The following TICAM1 variants were observed in gnomAD, a reference collection of about 807,000 sequenced individuals.
TICAM1 encodes the protein TIR domain-containing adapter molecule 1.
For synonymous variants in TICAM1, 439 were observed against 415.4 expected, an observed-to-expected ratio of 1.06 and a Z score of -0.69; for missense variants, 895 against 938.2, an observed-to-expected ratio of 0.95 and a Z score of 0.60.
At chr19:4,829,805 CTTTT>C (rs539314470) in intron 1 of TICAM1, among the ~76,000 whole-genome samples, 95 of 87,628 alleles carry the variant, frequency 1.1e-3, no homozygotes, top group African/African-American at 3.7e-3. Context: ...AATTTCATTT[CTTTT>C]TTTTTTTTTT....
At position 4,817,829 on chromosome 19, in the gene TICAM1, G is replaced by T; in HGVS notation, c.549C>A (p.Asp183Glu). The change falls in exon 2 of 2, where the codon GAC (aspartate) becomes GAA (glutamate). Residue 183 changes from aspartate to glutamate, a missense_variant. Coordinates refer to ENST00000248244, the MANE Select transcript of TICAM1 (RefSeq NM_182919.4). This position sits in a 1 kb window ranked among gnomAD's most constrained non-coding sequence, Gnocchi z 4.7. Reference sequence around the variant, plus strand: ...ACCCTTGGCTCCAGTCCGAAACACCGTCAATGGGGCGTGGGAGGCTCCTGG... The same window carrying T: ...ACCCTTGGCTCCAGTCCGAAACACCTTCAATGGGGCGTGGGAGGCTCCTGG... Reference protein sequence around the residue: ...SGTRSLPRPIDGVSDWSQGCS... With the variant: ...SGTRSLPRPIEGVSDWSQGCS... 6.2e-7 allele frequency: 1 copy of T among 1,607,606 alleles called. No individual in the cohort carries two copies.
chr19:4,817,140 C>A lies in TICAM1; in HGVS notation c.1238G>T (p.Arg413Leu), dbSNP rs372838204. Residue 413 changes from arginine to leucine, a missense_variant, in exon 2 of 2, where the codon CGG becomes CTG. Arg to Leu is a moderately radical substitution (Grantham distance 102). Coordinates refer to ENST00000248244, the MANE Select transcript of TICAM1 (RefSeq NM_182919.4). This position sits in a 1 kb window ranked among gnomAD's most constrained non-coding sequence, Gnocchi z 4.7. Reference sequence around the variant, plus strand: ...CACGCCAAGGGCCTCCAGCTTCTCCCGAACCCGCAGGGCGATGTGTTCGTC... The same window carrying A: ...CACGCCAAGGGCCTCCAGCTTCTCCAGAACCCGCAGGGCGATGTGTTCGTC... ...RADEHIALRV[R>L]EKLEALGVPD... is the part of the protein sequence containing the mutation. The A allele has an allele frequency of 6.2e-7, 1 of 1,613,956 alleles. No individual in the cohort carries two copies. The highest frequency in any genetic ancestry group is 1.3e-5 in the African/African-American group (1 of 74,892).
At chr19:4,823,134 A>G (rs548476153) in intron 1 of TICAM1, among the ~76,000 whole-genome samples, 1 of 152,180 alleles carries the variant, frequency 6.6e-6, no homozygotes, top group South Asian at 2.1e-4. Context: ...AGCCTGGCCA[A>G]CATGGTGAAA....
intron 1 of TICAM1, among the ~76,000 whole-genome samples, chr19:4,819,824 A>C (rs768109677): frequency 4.6e-5 from 7 of 151,836 alleles, no homozygotes; most frequent in Admixed American, 6.6e-5. Flanking sequence ...GCAGTGAGCA[A>C]AGATCGCACC....
intron 1 of TICAM1, among the ~76,000 whole-genome samples, chr19:4,822,202 T>A (rs1310984966): frequency 6.6e-6 from 1 of 152,182 alleles, no homozygotes; most frequent in South Asian, 2.1e-4. Context: ...CCCAAAGTGC[T>A]GGGATTACAA....
intron 1 of TICAM1, among the ~76,000 whole-genome samples, chr19:4,821,769 C>T (rs567772682): frequency 1.3e-5 from 2 of 151,902 alleles, no homozygotes; most frequent in South Asian, 4.2e-4. Context: ...CTCATCCTCC[C>T]AAGTAGCTGG....
chr19:4,828,743 G>T (rs1442828896), intron 1 of TICAM1, among the ~76,000 whole-genome samples: 1 of 128,604 alleles, frequency 7.8e-6, no homozygotes, highest in South Asian at 2.5e-4. Context: ...TCCCTCTGTC[G>T]CCAGGCTGGA....
rs1218883426 is a variant in TICAM1, at chr19:4,817,537, C to G, written c.841G>C (p.Asp281His). The change falls in exon 2 of 2, where the codon GAT becomes CAT. Residue 281 changes from aspartate (D) to histidine (H), a missense_variant. Asp to His is a moderately conservative substitution (Grantham distance 81). Coordinates refer to ENST00000248244, the MANE Select transcript of TICAM1 (RefSeq NM_182919.4). The surrounding 1 kb of genome is among the most constrained non-coding windows in gnomAD (Gnocchi z 4.7). ...TCAGGGAGGCCAGTGGAGGTTGCATCTGGGGCCACTTCGGGAAGCCCAGGA... is the reference window on the plus strand; with the variant it reads ...TCAGGGAGGCCAGTGGAGGTTGCATGTGGGGCCACTTCGGGAAGCCCAGGA... ...PPPGLPEVAPDATSTGLPDTP... is the reference protein window; with the variant it reads ...PPPGLPEVAPHATSTGLPDTP... The G allele has an allele frequency of 4.3e-6, 7 of 1,613,414 alleles. No homozygotes were observed. The highest frequency in any genetic ancestry group is 4.0e-5 in the African/African-American group (3 of 74,912).
chr19:4,823,433 C>T (rs1431980856), intron 1 of TICAM1, among the ~76,000 whole-genome samples: 2 of 149,250 alleles, frequency 1.3e-5, no homozygotes, highest in African/African-American at 5.0e-5. Context: ...CCACTGCACT[C>T]CAGCCTGGGT....
chr19:4,816,637 G>C lies in TICAM1; in HGVS notation c.1741C>G (p.Gln581Glu). The change falls in exon 2 of 2, where the codon CAG (glutamine) becomes GAG (glutamate). Residue 581 changes from glutamine to glutamate, a missense_variant. Physicochemically the swap from Gln to Glu is conservative, Grantham distance 29 (BLOSUM62 2). Coordinates refer to ENST00000248244, the MANE Select transcript of TICAM1 (RefSeq NM_182919.4). This position sits in a 1 kb window ranked among gnomAD's most constrained non-coding sequence, Gnocchi z 4.3. ...SAYLQSYLSY[Q>E]AQMEQLQVAF... is the part of the protein sequence containing the mutation. ...ACCTGGAGCTGCTCCATCTGTGCCTGGTAGGACAAGTAGCTCTGGAGGTAG... is the reference window on the plus strand; with the variant it reads ...ACCTGGAGCTGCTCCATCTGTGCCTCGTAGGACAAGTAGCTCTGGAGGTAG... 6.2e-7 allele frequency: 1 copy of C among 1,614,158 alleles called. No homozygotes were observed.
At chr19:4,825,394 T>G (rs1432471514) in intron 1 of TICAM1, among the ~76,000 whole-genome samples, 1 of 152,086 alleles carries the variant, frequency 6.6e-6, no homozygotes, top group East Asian at 1.9e-4. Flanking sequence ...CAAACCTGGA[T>G]ATGTACCCGT....
intron 1 of TICAM1, among the ~76,000 whole-genome samples, chr19:4,822,840 C>A (rs1335339038): frequency 6.6e-6 from 1 of 152,150 alleles, no homozygotes; most frequent in Non-Finnish European, 1.5e-5. Context: ...AACTGTAACA[C>A]CAAATGCCTT....
Position 4,816,102 on chromosome 19 carries a change from G to A in TICAM1, c.*137C>T. 1.6e-6 allele frequency: 2 copies of A among 1,287,790 alleles called. No individual in the cohort carries two copies. The highest frequency in any genetic ancestry group is 2.0e-6 in the Non-Finnish European group (2 of 1,014,502). 79.8% of individuals were successfully genotyped at this position (1,287,790 alleles called of 1,614,324 possible). On this transcript the variant is annotated 3_prime_UTR_variant, in exon 2 of 2. Coordinates refer to ENST00000248244, the MANE Select transcript of TICAM1 (RefSeq NM_182919.4). This position sits in a 1 kb window ranked among gnomAD's most constrained non-coding sequence, Gnocchi z 4.3. Reference sequence around the variant, plus strand: ...TTTTGTCCTAAATGAAGGGCTCCCGGACAATGTCCTGAAAGTGGCAGATGA... The same window carrying A: ...TTTTGTCCTAAATGAAGGGCTCCCGAACAATGTCCTGAAAGTGGCAGATGA...
Position 4,816,283 on chromosome 19 carries a change from T to C in TICAM1, c.2095A>G (p.Arg699Gly). Residue 699 changes from arginine (R) to glycine (G), a missense_variant, in exon 2 of 2, where the codon AGA (arginine) becomes GGA (glycine). Arg to Gly is a moderately radical substitution (Grantham distance 125, BLOSUM62 -2). Coordinates refer to ENST00000248244, the MANE Select transcript of TICAM1 (RefSeq NM_182919.4). This position sits in a 1 kb window ranked among gnomAD's most constrained non-coding sequence, Gnocchi z 4.3. ...LGLNNHMWNQ[R>G]GSQAPEDKTQ... ...TTGTCCTCGGGCGCCTGGGACCCTCTCTGGTTCCACATGTGGTTGTTCAGC... is the reference window on the plus strand; with the variant it reads ...TTGTCCTCGGGCGCCTGGGACCCTCCCTGGTTCCACATGTGGTTGTTCAGC... 3 of 1,518,064 alleles carry C rather than the reference T, an allele frequency of 2.0e-6. No homozygotes were observed. The highest frequency in any genetic ancestry group is 2.6e-6 in the Non-Finnish European group (3 of 1,134,252). The allele number at this position is 1,518,064 out of a possible 1,614,324, so 94.0% of individuals were successfully genotyped here. A position where few individuals can be genotyped will look rare whatever the true frequency, so the allele number is the denominator to read the frequency against.
At chr19:4,819,106 G>T (rs545830497) in intron 1 of TICAM1, among the ~76,000 whole-genome samples, 1 of 151,724 alleles carries the variant, frequency 6.6e-6, no homozygotes, top group African/African-American at 2.4e-5. Flanking sequence ...GTGAAACTCC[G>T]GCTCAAAAAA....
At chr19:4,824,532 C>T (rs1048051951) in intron 1 of TICAM1, among the ~76,000 whole-genome samples, 13 of 150,888 alleles carry the variant, frequency 8.6e-5, no homozygotes, top group African/African-American at 3.2e-4. Flanking sequence ...ATGGGGTTGC[C>T]TCATATTGGT....
rs1157942336 is a variant in TICAM1, at chr19:4,818,150, C to T, written c.228G>A (p.Gln76=). 1 of 1,609,582 alleles carries T rather than the reference C, an allele frequency of 6.2e-7. No homozygotes were observed. Among genetic ancestry groups the T allele is most frequent in the Admixed American group, 1.7e-5 (1 of 59,906 alleles). ...ADAVARLVAR[Q]WAGVDSTEDP... ...CCTCGGTGCTGTCCACGCCAGCCCACTGGCGGGCCACCAGCCGGGCCACCG... is the reference window on the plus strand; with the variant it reads ...CCTCGGTGCTGTCCACGCCAGCCCATTGGCGGGCCACCAGCCGGGCCACCG... The change falls in exon 2 of 2, where the codon CAG becomes CAA. Residue 76 remains glutamine (Q), a synonymous_variant. Coordinates refer to ENST00000248244, the MANE Select transcript of TICAM1 (RefSeq NM_182919.4). This position sits in a 1 kb window ranked among gnomAD's most constrained non-coding sequence, Gnocchi z 4.0.
intron 1 of TICAM1, among the ~76,000 whole-genome samples, chr19:4,825,882 C>T (rs1047691187): frequency 2.2e-4 from 34 of 151,922 alleles, no homozygotes; most frequent in African/African-American, 6.8e-4. Flanking sequence ...TCGCTTGAAC[C>T]GAGGAGGCAG....
chr19:4,817,549 C>T lies in TICAM1; in HGVS notation c.829G>A (p.Glu277Lys), dbSNP rs1444390257. ...LPSSPPPGLP[E>K]VAPDATSTGL... The stretch of plus-strand genomic sequence containing the variant: ...GTGGAGGTTGCATCTGGGGCCACTT[C>T]GGGAAGCCCAGGAGGTGGGCTGCTT... The change falls in exon 2 of 2, where the codon GAA becomes AAA. Residue 277 changes from glutamate (E) to lysine (K), a missense_variant. By Grantham distance (56) the Glu-to-Lys change is moderately conservative. Coordinates refer to ENST00000248244, the MANE Select transcript of TICAM1 (RefSeq NM_182919.4). This position sits in a 1 kb window ranked among gnomAD's most constrained non-coding sequence, Gnocchi z 4.7. The T allele has an allele frequency of 3.7e-6, 6 of 1,613,028 alleles. No individual in the cohort carries two copies. Among genetic ancestry groups the T allele is most frequent in the Non-Finnish European group, 5.1e-6 (6 of 1,179,752 alleles).
Sources: allele counts gnomAD v4.1 joint callset (sites outside exome capture counted in the v4.1 genomes callset), GRCh38; gene constraint gnomAD v4.1.1; non-coding constraint Gnocchi (gnomAD v3.1); transcripts MANE v1.5; gene names NCBI Gene and HGNC (gene_info 2026-07-23, HGNC 2026-07-21).